FGF14: variants seen among roughly 807,000 people sequenced by gnomAD.
FGF14 encodes the protein fibroblast growth factor 14.
Under a neutral mutation model 25.5 loss-of-function variants are expected in FGF14, and 5 were observed. That is an observed-to-expected ratio of 0.20 (90% CI 0.10 to 0.41). The LOEUF (loss-of-function observed/expected upper bound fraction) is 0.41. Ranked by LOEUF, FGF14 falls within the 10% of genes least tolerant of loss-of-function variation. The pLI is 1.00. For synonymous variants in FGF14, 138 were observed against 118.3 expected (o/e 1.17, Z -1.08); for missense variants, 222 against 320.1 (o/e 0.69, Z 2.34).
At chr13:102,376,968 G>T (rs74112335) in intron 1 of FGF14, among the ~76,000 whole-genome samples, 3,619 of 152,182 alleles carry the variant, frequency 0.024, 153 homozygotes, top group African/African-American at 0.082. Flanking sequence ...TGAGAAATGC[G>T]CTTATTGGGC....
chr13:102,192,819 G>T (rs2049181041), intron 1 of FGF14, among the ~76,000 whole-genome samples: 1 of 151,928 alleles, frequency 6.6e-6, no homozygotes, highest in Non-Finnish European at 1.5e-5. Flanking sequence ...CAACAGAATG[G>T]CCTTTAACAT....
At chr13:101,796,876 G>A (rs975932573) in intron 3 of FGF14, among the ~76,000 whole-genome samples, 1 of 152,018 alleles carries the variant, frequency 6.6e-6, no homozygotes, top group Admixed American at 6.6e-5. Context: ...GTCCCCTCCT[G>A]CAAGGTCATT....
chr13:101,965,565 C>A (rs888905251), intron 1 of FGF14, among the ~76,000 whole-genome samples: 3 of 151,930 alleles, frequency 2.0e-5, no homozygotes, highest in Admixed American at 2.0e-4. Flanking sequence ...TAAGTCTTGA[C>A]AATTTGGCAA....
intron 3 of FGF14, among the ~76,000 whole-genome samples, chr13:101,777,943 G>A (rs2039237121): frequency 6.6e-6 from 1 of 152,120 alleles, no homozygotes; most frequent in African/African-American, 2.4e-5. Context: ...CAGCCTGGGT[G>A]ACAAGAGCAA....
At chr13:102,116,724 AG>A (rs1470682043) in intron 1 of FGF14, among the ~76,000 whole-genome samples, 2 of 152,254 alleles carry the variant, frequency 1.3e-5, no homozygotes, top group African/African-American at 4.8e-5. Flanking sequence ...ATGATAAAAA[AG>A]TTTTAGAAAC....
chr13:101,748,026 A>G (rs2037001560), intron 3 of FGF14, among the ~76,000 whole-genome samples: 1 of 152,036 alleles, frequency 6.6e-6, no homozygotes, highest in Non-Finnish European at 1.5e-5. Flanking sequence ...TGGGGATTTA[A>G]CTTAGTACAG....
chr13:102,057,434 C>T (rs1300811093), intron 1 of FGF14, among the ~76,000 whole-genome samples: 1 of 152,134 alleles, frequency 6.6e-6, no homozygotes, highest in Non-Finnish European at 1.5e-5. Flanking sequence ...AGTCCTGCCT[C>T]AGGCCCCACA....
Position 101,719,146 on chromosome 13 carries a change from A to AGAT in FGF14, c.*3682_*3684dup, listed in dbSNP as rs1566808341. ...ATATTAATGATCCATAATATTAGGG[A>AGAT]GATAATTTTAAATGAAGTGATACGT... On this transcript the variant is annotated 3_prime_UTR_variant, in exon 5 of 5. Coordinates refer to ENST00000376143, the MANE Select transcript of FGF14 (RefSeq NM_004115.4). 6.6e-6 allele frequency: 1 copy of AGAT among 152,144 alleles called. No individual in the cohort carries two copies. Among genetic ancestry groups the AGAT allele is most frequent in the Non-Finnish European group, 1.5e-5 (1 of 68,012 alleles). 9.4% of individuals were successfully genotyped at this position (152,144 alleles called of 1,614,324 possible).
chr13:102,208,479 A>G (rs988182237), intron 1 of FGF14, among the ~76,000 whole-genome samples: 1 of 152,210 alleles, frequency 6.6e-6, no homozygotes, highest in African/African-American at 2.4e-5. Context: ...TGTGAATATC[A>G]TAAATACCAT....
intron 1 of FGF14, among the ~76,000 whole-genome samples, chr13:102,106,218 T>G (rs893129153): frequency 6.6e-6 from 1 of 152,214 alleles, no homozygotes; most frequent in African/African-American, 2.4e-5. Context: ...GTATCCACAC[T>G]AATTTGCATG....
Position 101,715,441 on chromosome 13 carries a change from TAAG to T in FGF14, c.*7387_*7389del. 1 of 750,572 alleles carries T rather than the reference TAAG, an allele frequency of 1.3e-6. No homozygotes were observed. The highest frequency in any genetic ancestry group is 2.4e-6 in the Non-Finnish European group (1 of 421,450). The allele number at this position is 750,572 out of a possible 1,614,324, so 46.5% of individuals were successfully genotyped here. On this transcript the variant is annotated 3_prime_UTR_variant, in exon 5 of 5. Coordinates refer to ENST00000376143, the MANE Select transcript of FGF14 (RefSeq NM_004115.4). Reference sequence around the variant, plus strand: ...ATGTAATAATAACATCATTGCACAATAAGAAAATCTACCAAGGATGAATGAAAT... The same window carrying T: ...ATGTAATAATAACATCATTGCACAATAAAATCTACCAAGGATGAATGAAAT...
chr13:102,265,239 G>T (rs143426453), intron 1 of FGF14, among the ~76,000 whole-genome samples: 2 of 151,822 alleles, frequency 1.3e-5, no homozygotes, highest in African/African-American at 4.8e-5. Context: ...AAATTTTGGC[G>T]CTTTCTGGTA....
chr13:101,857,088 T>C (rs1277129109), intron 3 of FGF14, among the ~76,000 whole-genome samples: 1 of 152,056 alleles, frequency 6.6e-6, no homozygotes, highest in East Asian at 1.9e-4. Flanking sequence ...CATCAACAGA[T>C]GCTTTTCTCA....
chr13:102,256,745 C>G (rs1313373063), intron 1 of FGF14, among the ~76,000 whole-genome samples: 1 of 152,136 alleles, frequency 6.6e-6, no homozygotes, highest in African/African-American at 2.4e-5. Flanking sequence ...GGAAGCTTAA[C>G]AAATGGGTGA....
At chr13:102,068,690 G>A (rs548045901) in intron 1 of FGF14, among the ~76,000 whole-genome samples, 134 of 152,312 alleles carry the variant, frequency 8.8e-4, no homozygotes, top group African/African-American at 2.7e-3. Flanking sequence ...ATTTCTCGCC[G>A]GGCCTTAGCT....
chr13:101,833,586 T>C (rs117817230), intron 3 of FGF14, among the ~76,000 whole-genome samples: 1,871 of 152,184 alleles, frequency 0.012, 38 homozygotes, highest in Non-Finnish European at 0.015. Context: ...TAAAGGACTA[T>C]ATAGAAATAC....
chr13:102,111,275 C>T (rs890686014), intron 1 of FGF14, among the ~76,000 whole-genome samples: 1 of 152,220 alleles, frequency 6.6e-6, no homozygotes, highest in African/African-American at 2.4e-5. Flanking sequence ...GAGTTAAGCT[C>T]ACCAAAGCAA....
intron 1 of FGF14, among the ~76,000 whole-genome samples, chr13:102,161,570 A>AAAGAAGAAGAAGAAAGAAGAAGAAAGAAG (rs1555369389): frequency 3.5e-4 from 2 of 5,652 alleles, no homozygotes; most frequent in Non-Finnish European, 4.8e-4. Flanking sequence ...TTCTGTGAAG[A>AAAGAAGAAGAAGAAAGAAGAAGAAAGAAG]AAGAAAGAAG....
At chr13:102,160,813 C>CA (rs966508349) in intron 1 of FGF14, among the ~76,000 whole-genome samples, 324 of 146,288 alleles carry the variant, frequency 2.2e-3, no homozygotes, top group African/African-American at 4.0e-3. Flanking sequence ...TTTTTGGTGG[C>CA]AAAAAAAAAC....
Sources: allele counts gnomAD v4.1 joint callset (sites outside exome capture counted in the v4.1 genomes callset), GRCh38; gene constraint gnomAD v4.1.1; transcripts MANE v1.5; gene names NCBI Gene and HGNC (gene_info 2026-07-23, HGNC 2026-07-21).